Variants in SEC14L1 observed in about 807,000 individuals in gnomAD.
SEC14L1 encodes the protein SEC14-like protein 1.
In SEC14L1, 48 loss-of-function variants were observed where a neutral mutation model predicts 85.3. That is an observed-to-expected ratio of 0.56 (90% CI 0.45 to 0.72). SEC14L1 has a LOEUF of 0.72. Ranked by LOEUF, SEC14L1 falls within the 30% of genes least tolerant of loss-of-function variation. The pLI is 0.00. For missense variants in SEC14L1, 682 were observed against 921.4 expected (o/e 0.74, Z 3.36); for synonymous variants, 391 against 355.5 (o/e 1.10, Z -1.12).
intron 13 of SEC14L1, among the ~76,000 whole-genome samples, chr17:77,208,599 G>A (rs1976584982): frequency 6.6e-6 from 1 of 152,202 alleles, no homozygotes; most frequent in South Asian, 2.1e-4. Flanking sequence ...GTTCCCTCCT[G>A]CTCTCTGGTG....
chr17:77,112,300 G>A (rs1598234642), intron 3 of SEC14L1, among the ~76,000 whole-genome samples: 1 of 152,126 alleles, frequency 6.6e-6, no homozygotes, highest in East Asian at 1.9e-4. Flanking sequence ...CTTCATAGCA[G>A]TGTGAGAACA....
chr17:77,164,483 G>A (rs934461639), intron 3 of SEC14L1, among the ~76,000 whole-genome samples: 1 of 152,110 alleles, frequency 6.6e-6, no homozygotes, highest in Non-Finnish European at 1.5e-5. Flanking sequence ...TTTTCCCAGC[G>A]CTCCCCCTTT....
chr17:77,214,714 CT>C lies in SEC14L1; in HGVS notation c.*692del. The C allele has an allele frequency of 1.0e-6, 1 of 985,540 alleles. No homozygotes were observed. Among genetic ancestry groups the C allele is most frequent in the Non-Finnish European group, 1.2e-6 (1 of 830,000 alleles). The allele number at this position is 985,540 out of a possible 1,614,324, so 61.0% of individuals were successfully genotyped here. On this transcript the variant is annotated 3_prime_UTR_variant, in exon 17 of 17. Transcript: ENST00000436233. ...ATCGTTAAACATTACTTTCTCTTTC[CT>C]CCTTTTCAAATCTTTTTGATACTTT...
chr17:77,131,678 G>A (rs867243437), intron 3 of SEC14L1, among the ~76,000 whole-genome samples: 17 of 152,214 alleles, frequency 1.1e-4, no homozygotes, highest in African/African-American at 4.1e-4. Context: ...TGAATAGAGT[G>A]GAGATGAATA....
At chr17:77,135,492 GTCTTTCTCTCTT>G (rs370658808) in intron 3 of SEC14L1, among the ~76,000 whole-genome samples, 74 of 151,958 alleles carry the variant, frequency 4.9e-4, no homozygotes, top group South Asian at 1.0e-3. Flanking sequence ...TTCTCTCTTT[GTCTTTCTCTCTT>G]TCTTTCTCTC....
intron 3 of SEC14L1, among the ~76,000 whole-genome samples, chr17:77,158,291 C>A (rs1973898244): frequency 6.6e-6 from 1 of 152,192 alleles, no homozygotes. Flanking sequence ...CTCCCCAAAT[C>A]GAAGCTCTGT....
chr17:77,156,016 G>A (rs754573011), intron 3 of SEC14L1, among the ~76,000 whole-genome samples: 6 of 152,108 alleles, frequency 3.9e-5, no homozygotes, highest in Non-Finnish European at 5.9e-5. Flanking sequence ...TAATTATGTC[G>A]AATTTCTTGC....
chr17:77,194,268 T>C (rs1163495571), intron 6 of SEC14L1, among the ~76,000 whole-genome samples: 1 of 152,148 alleles, frequency 6.6e-6, no homozygotes, highest in Non-Finnish European at 1.5e-5. Context: ...TAAAAGCTTG[T>C]GAGGGACTGG....
intron 3 of SEC14L1, among the ~76,000 whole-genome samples, chr17:77,186,923 CTG>C (rs1213498373): frequency 1.3e-5 from 2 of 152,180 alleles, no homozygotes; most frequent in Non-Finnish European, 2.9e-5. Context: ...TTCCTTAACT[CTG>C]TTTTTGGTTG....
At chr17:77,100,324 C>T (rs1971740682) in intron 3 of SEC14L1, among the ~76,000 whole-genome samples, 1 of 152,050 alleles carries the variant, frequency 6.6e-6, no homozygotes. Context: ...GTGCCTACCG[C>T]CCTGCGCTGC....
intron 3 of SEC14L1, among the ~76,000 whole-genome samples, chr17:77,100,516 A>C (rs1408043358): frequency 2.9e-5 from 4 of 136,232 alleles, no homozygotes; most frequent in African/African-American, 1.1e-4. Flanking sequence ...GGCTCACTGA[A>C]ACCTCTGCCT....
intron 3 of SEC14L1, among the ~76,000 whole-genome samples, chr17:77,106,780 T>C (rs1971924669): frequency 6.6e-6 from 1 of 152,064 alleles, no homozygotes; most frequent in Non-Finnish European, 1.5e-5. Context: ...GAGGCTGCAG[T>C]GAGCCCTGGT....
chr17:77,211,666 C>T (rs1350866318), intron 14 of SEC14L1: 4 of 453,656 alleles, frequency 8.8e-6, no homozygotes, highest in Non-Finnish European at 1.2e-5. Context: ...TTTCTAAGAC[C>T]TGGCCTCTTA....
intron 2 of SEC14L1, among the ~76,000 whole-genome samples, chr17:77,090,658 C>T (rs540156097): frequency 4.8e-4 from 72 of 151,450 alleles, no homozygotes; most frequent in Admixed American, 1.1e-3. Flanking sequence ...GCCTTTGTAG[C>T]CCAGAAAGCA....
At chr17:77,151,278 T>G (rs1225728051) in intron 3 of SEC14L1, among the ~76,000 whole-genome samples, 1 of 152,148 alleles carries the variant, frequency 6.6e-6, no homozygotes, top group African/African-American at 2.4e-5. Context: ...TGTAAAGTTG[T>G]GAATGCCATC....
In SEC14L1 at chr17:77,187,370, G is replaced by GCCC. The variant is rs111758486; in HGVS notation, c.64-3425_64-3423dup. Among the ~76,000 whole-genome samples, 54 of 148,086 alleles carry GCCC rather than the reference G, an allele frequency of 3.6e-4. 1 individual carries two copies. Among genetic ancestry groups the GCCC allele is most frequent in the African/African-American group, 1.2e-3 (48 of 40,276 alleles). On this transcript the variant is annotated intron_variant, in intron 3 of 16. Transcript: ENST00000436233. The stretch of plus-strand genomic sequence containing the variant: ...ACAGCCTAGATTCTTACTACCCTAT[G>GCCC]CCCCCCCCCCACACCCCTTTTTTCT...
At chr17:77,212,225 C>A (rs764731619) in intron 15 of SEC14L1, 24 bp downstream of exon 15, 1 of 1,609,884 alleles carries the variant, frequency 6.2e-7, no homozygotes, top group South Asian at 1.1e-5. Context: ...CAGGTCAAAT[C>A]GCGCATCCGT....
intron 1 of SEC14L1, chr17:77,141,765 T>A (rs1196149062): frequency 6.6e-6 from 1 of 152,244 alleles, no homozygotes; most frequent in Non-Finnish European, 1.5e-5. Context: ...CCTGAATGGA[T>A]GTTACCGTTT....
intron 3 of SEC14L1, among the ~76,000 whole-genome samples, chr17:77,151,794 G>A (rs1048932076): frequency 1.3e-5 from 2 of 152,160 alleles, no homozygotes; most frequent in Non-Finnish European, 2.9e-5. Context: ...CTTGAGGCCA[G>A]GAGTTTGAGA....
Sources: allele counts gnomAD v4.1 joint callset (sites outside exome capture counted in the v4.1 genomes callset), GRCh38; gene constraint gnomAD v4.1.1; transcripts MANE v1.5; gene names NCBI Gene and HGNC (gene_info 2026-07-23, HGNC 2026-07-21).